Variants in DYNLT2B observed in about 807,000 individuals in gnomAD.
The protein encoded by DYNLT2B is dynein light chain Tctex-type protein 2B.
In DYNLT2B, 14 loss-of-function variants were observed where a neutral mutation model predicts 19.5. That is an observed-to-expected ratio of 0.72 (90% confidence interval 0.47 to 1.12). DYNLT2B has a LOEUF of 1.12. DYNLT2B is among the 50% of genes most tolerant of loss of function. The probability of loss-of-function intolerance (pLI) is 0.00; values close to 1 mark genes in which losing one functional copy is unlikely to be tolerated. For missense variants in DYNLT2B, 133 were observed against 174.7 expected (o/e 0.76, Z 1.35); for synonymous variants, 70 against 59.7 (o/e 1.17, Z -0.79).
chr3:196,318,082 TC>T lies in DYNLT2B; in HGVS notation c.70del (p.Glu24SerfsTer58). ...GVPEAEKNAG[E>X]PENTYILRPV... Reference sequence around the variant, plus strand: ...CCGCAGAATATAGGTGTTCTCGGGCTCCCCTGCGTTCTTCTCAGCCTCAGGC... The same window carrying T: ...CCGCAGAATATAGGTGTTCTCGGGCTCCCTGCGTTCTTCTCAGCCTCAGGC... On this transcript the variant is annotated frameshift_variant, in exon 1 of 5. Transcript: ENST00000325318. LOFTEE classifies it high-confidence loss of function. The T allele has an allele frequency of 6.4e-7, 1 of 1,564,648 alleles. No individual in the cohort carries two copies. The highest frequency in any genetic ancestry group is 8.6e-7 in the Non-Finnish European group (1 of 1,160,098).
At chr3:196,311,711 T>C (rs1187171852) in intron 2 of DYNLT2B, among the ~76,000 whole-genome samples, 1 of 151,588 alleles carries the variant, frequency 6.6e-6, no homozygotes, top group African/African-American at 2.4e-5. Context: ...TGAGACAGAG[T>C]CTCGCTCTGT....
In DYNLT2B at chr3:196,295,938, C is replaced by T. The variant is rs1036932177; in HGVS notation, c.381+68G>A. ...AGCAGTGTCTTTCCATCCCAATCAA[C>T]AGTAAATAGTTTGATTTGCGGTGCC... On this transcript the variant is annotated intron_variant, in intron 4 of 4. Coordinates refer to ENST00000325318, the MANE Select transcript of DYNLT2B (RefSeq NM_152773.5). 9 of 1,262,566 alleles carry T rather than the reference C, an allele frequency of 7.1e-6. No individual in the cohort carries two copies. The African/African-American group carries it at 7.4e-5, about 10-fold the overall frequency. The allele number at this position is 1,262,566 out of a possible 1,614,324, so 78.2% of individuals were successfully genotyped here.
At chr3:196,307,732 A>G (rs1048765520) in intron 2 of DYNLT2B, among the ~76,000 whole-genome samples, 1 of 152,132 alleles carries the variant, frequency 6.6e-6, no homozygotes, top group African/African-American at 2.4e-5. Flanking sequence ...AGAGAAATAA[A>G]TAAGACGTTT....
intron 3 of DYNLT2B, among the ~76,000 whole-genome samples, chr3:196,301,670 G>A (rs769461441): frequency 2.6e-5 from 4 of 151,760 alleles, no homozygotes; most frequent in Non-Finnish European, 4.4e-5. Flanking sequence ...CAGAGATGGC[G>A]CCACTGCACT....
chr3:196,299,512 T>C (rs527849347), intron 3 of DYNLT2B, among the ~76,000 whole-genome samples: 1 of 152,138 alleles, frequency 6.6e-6, no homozygotes, highest in Non-Finnish European at 1.5e-5. Flanking sequence ...AGTGAGCCAC[T>C]GTGCCCAGCA....
chr3:196,294,897 G>C (rs1361202263), intron 4 of DYNLT2B, among the ~76,000 whole-genome samples: 1 of 151,916 alleles, frequency 6.6e-6, no homozygotes, highest in African/African-American at 2.4e-5. Context: ...ACCACACCCG[G>C]CTAATTTTTT....
intron 1 of DYNLT2B, among the ~76,000 whole-genome samples, chr3:196,316,555 G>A (rs1164429871): frequency 6.6e-6 from 1 of 151,604 alleles, no homozygotes; most frequent in Non-Finnish European, 1.5e-5. Context: ...TGTTCTGCAC[G>A]CTTTCACAAA....
chr3:196,302,644 G>A (rs930979789), intron 3 of DYNLT2B, among the ~76,000 whole-genome samples: 3 of 152,128 alleles, frequency 2.0e-5, no homozygotes, highest in Non-Finnish European at 2.9e-5. Flanking sequence ...AAGAATTTAC[G>A]CAGATACGAT....
At chr3:196,308,185 T>C (rs1726544229) in intron 2 of DYNLT2B, among the ~76,000 whole-genome samples, 1 of 151,218 alleles carries the variant, frequency 6.6e-6, no homozygotes, top group South Asian at 2.1e-4. Flanking sequence ...ACAGAGCCAG[T>C]GGGGGCAGTT....
chr3:196,310,876 T>C (rs146064505), intron 2 of DYNLT2B, among the ~76,000 whole-genome samples: 2 of 151,880 alleles, frequency 1.3e-5, no homozygotes, highest in East Asian at 3.9e-4. Flanking sequence ...GCTGGAACCA[T>C]AGGCGTGCAC....
intron 3 of DYNLT2B, among the ~76,000 whole-genome samples, chr3:196,301,370 C>A (rs1726348662): frequency 6.6e-6 from 1 of 152,074 alleles, no homozygotes; most frequent in South Asian, 2.1e-4. Context: ...ACAATGGAAA[C>A]AAACTCACAC....
intron 3 of DYNLT2B, among the ~76,000 whole-genome samples, chr3:196,300,124 A>G (rs1269787975): frequency 1.3e-5 from 2 of 152,152 alleles, no homozygotes; most frequent in Non-Finnish European, 2.9e-5. Flanking sequence ...AAATGGATTC[A>G]GTCTTAGAGC....
intron 1 of DYNLT2B, among the ~76,000 whole-genome samples, chr3:196,317,221 A>G (rs1336587527): frequency 4.6e-5 from 5 of 109,382 alleles, no homozygotes; most frequent in Non-Finnish European, 5.3e-5. Flanking sequence ...TTACAAACCT[A>G]GCTGAGTACC....
chr3:196,296,107 A>G (rs1305384037), intron 3 of DYNLT2B, 38 bp from the exon 4 acceptor site: 1 of 1,566,644 alleles, frequency 6.4e-7, no homozygotes. Flanking sequence ...CAACAATCTA[A>G]CAAGGACCTA....
intron 3 of DYNLT2B, among the ~76,000 whole-genome samples, chr3:196,300,055 T>C (rs970029943): frequency 5.3e-5 from 8 of 152,046 alleles, no homozygotes; most frequent in East Asian, 1.9e-4. Context: ...GGCTTTGAAA[T>C]TGGAGGAAAC....
intron 2 of DYNLT2B, among the ~76,000 whole-genome samples, chr3:196,307,738 C>T (rs369898399): frequency 6.6e-6 from 1 of 151,836 alleles, no homozygotes; most frequent in African/African-American, 2.4e-5. Context: ...ATAAATAAGA[C>T]GTTTTTCTTG....
At chr3:196,317,241 G>A (rs554439284) in intron 1 of DYNLT2B, among the ~76,000 whole-genome samples, 1 of 110,502 alleles carries the variant, frequency 9.0e-6, no homozygotes, top group Non-Finnish European at 1.8e-5. Context: ...CCTCTGCTCT[G>A]GCCCGTGAGC....
At chr3:196,300,549 G>A (rs1027319273) in intron 3 of DYNLT2B, among the ~76,000 whole-genome samples, 2 of 152,114 alleles carry the variant, frequency 1.3e-5, no homozygotes, top group African/African-American at 4.8e-5. Flanking sequence ...GGCCAACATG[G>A]TGAAACCCCA....
At position 196,316,207 on chromosome 3, in the gene DYNLT2B, G is replaced by A. The variant is rs1219413616; in HGVS notation, c.138C>T (p.Asp46=). Residue 46 remains aspartate (D), a synonymous_variant, in exon 2 of 5, where the codon GAC becomes GAT. Transcript: ENST00000325318. ...CCTCCTTGAGCACAGCATGGATACA[G>A]TCTTTAACCACAGAGGGCCTGAACC... The part of the protein sequence containing the change: ...QQRFRPSVVK[D]CIHAVLKEEL... 6.2e-7 allele frequency: 1 copy of A among 1,612,126 alleles called. No individual in the cohort carries two copies. The highest frequency in any genetic ancestry group is 1.7e-5 in the Admixed American group (1 of 59,746).
Sources: gnomAD v4.1 joint callset for allele counts (sites outside exome capture counted in the v4.1 genomes callset) on GRCh38, gnomAD v4.1.1 for gene constraint, MANE v1.5 for transcripts, NCBI Gene and HGNC (gene_info 2026-07-23, HGNC 2026-07-21) for gene names.